Variants in FBXW8 observed in about 807,000 individuals in gnomAD.
FBXW8 encodes F-box/WD repeat-containing protein 8.
FBXW8 carries 57 observed loss-of-function variants against 65.3 expected under a neutral mutation model. That is an observed-to-expected ratio of 0.87 (90% confidence interval 0.71 to 1.09). The LOEUF (loss-of-function observed/expected upper bound fraction) is 1.09. Ranked by LOEUF, FBXW8 falls within the 50% of genes least tolerant of loss-of-function variation. The pLI, the probability that FBXW8 is intolerant of heterozygous loss-of-function variation, is 0.00. For missense variants in FBXW8, 777 were observed against 814.8 expected (o/e 0.95, Z 0.57); for synonymous variants, 308 against 330.2 (o/e 0.93, Z 0.73).
intron 7 of FBXW8, among the ~76,000 whole-genome samples, chr12:116,993,342 T>A (rs1177621893): frequency 6.6e-6 from 1 of 152,112 alleles, no homozygotes; most frequent in East Asian, 1.9e-4. Flanking sequence ...GACCTCGTGA[T>A]CTGCCTGCCT....
intron 5 of FBXW8, among the ~76,000 whole-genome samples, chr12:116,969,355 A>G (rs779557490): frequency 3.3e-5 from 5 of 152,212 alleles, no homozygotes; most frequent in Non-Finnish European, 7.3e-5. Context: ...GTGATAAACA[A>G]CAACTTCTAT....
intron 4 of FBXW8, among the ~76,000 whole-genome samples, chr12:116,963,197 G>A (rs1318830848): frequency 6.6e-6 from 1 of 152,164 alleles, no homozygotes; most frequent in Non-Finnish European, 1.5e-5. Context: ...CAAGGAATTG[G>A]GGTGACAGAA....
chr12:116,977,005 C>A (rs1884988197), intron 5 of FBXW8, among the ~76,000 whole-genome samples: 1 of 152,148 alleles, frequency 6.6e-6, no homozygotes, highest in African/African-American at 2.4e-5. Flanking sequence ...GGGAGGGAGA[C>A]CCGAGAGCCC....
chr12:116,969,088 T>C (rs529082441), intron 5 of FBXW8, among the ~76,000 whole-genome samples: 12 of 152,352 alleles, frequency 7.9e-5, no homozygotes, highest in African/African-American at 2.9e-4. Flanking sequence ...TTGGTCTGTC[T>C]GGCAGCTTAA....
At chr12:116,971,721 T>C (rs1276877510) in intron 5 of FBXW8, among the ~76,000 whole-genome samples, 1 of 152,148 alleles carries the variant, frequency 6.6e-6, no homozygotes, top group East Asian at 1.9e-4. Context: ...GTTTTTATGG[T>C]AATCTTAAAA....
In FBXW8 at chr12:116,949,691, G is replaced by C. The variant is rs775599245; in HGVS notation, c.662G>C (p.Gly221Ala). ...TVLCDVHSHD[G>A]VVIAGYTSGD... is the part of the protein sequence containing the mutation. ...TTGTGTGATGTGCATTCTCACGATGGTGTGGTCATTGCGGGGTAAGCCAAA... is the reference window on the plus strand; with the variant it reads ...TTGTGTGATGTGCATTCTCACGATGCTGTGGTCATTGCGGGGTAAGCCAAA... The change falls in exon 4 of 11, where the codon GGT becomes GCT. Residue 221 changes from glycine to alanine, a missense_variant. Gly to Ala is a moderately conservative substitution (Grantham distance 60). Coordinates refer to ENST00000652555, the MANE Select transcript of FBXW8 (RefSeq NM_153348.3). 1 of 1,614,188 alleles carries C rather than the reference G, an allele frequency of 6.2e-7. No individual in the cohort carries two copies. The highest frequency in any genetic ancestry group is 1.7e-5 in the Admixed American group (1 of 60,026).
chr12:116,958,052 A>G (rs750922761), intron 4 of FBXW8, among the ~76,000 whole-genome samples: 2 of 152,220 alleles, frequency 1.3e-5, no homozygotes, highest in Non-Finnish European at 2.9e-5. Flanking sequence ...CTCTGACTCT[A>G]TTGATTGTGA....
chr12:116,998,555 C>T (rs796724021), intron 7 of FBXW8, among the ~76,000 whole-genome samples: 5 of 152,308 alleles, frequency 3.3e-5, no homozygotes, highest in African/African-American at 7.2e-5. Flanking sequence ...ATGAACTTAG[C>T]GCTAACTCCA....
At chr12:116,995,182 G>T (rs1043619700) in intron 7 of FBXW8, among the ~76,000 whole-genome samples, 2 of 152,228 alleles carry the variant, frequency 1.3e-5, no homozygotes, top group African/African-American at 2.4e-5. Flanking sequence ...TATCCGGCCA[G>T]TGTCGTGGTG....
rs1294687776 is a variant in FBXW8 at position 117,016,292 on chromosome 12, G to C, written c.1367+5842G>C. Among the ~76,000 whole-genome samples the C allele has an allele frequency of 2.0e-5, 3 of 152,166 alleles. No homozygotes were observed. In the East Asian group the frequency reaches 5.8e-4, roughly 29 times the overall value. On this transcript the variant is annotated intron_variant, in intron 8 of 10. Transcript: ENST00000652555. ...TTACATTCCCACCAGCACTGGATGAGGGTTGTAGTTTCTCCACCTCCTCAC... is the reference window on the plus strand; with the variant it reads ...TTACATTCCCACCAGCACTGGATGACGGTTGTAGTTTCTCCACCTCCTCAC...
Position 116,999,061 on chromosome 12 carries a change from TTG to T in FBXW8, c.1239+10193_1239+10194del, listed in dbSNP as rs565968579. On this transcript the variant is annotated intron_variant, in intron 7 of 10. Coordinates refer to ENST00000652555, the MANE Select transcript of FBXW8 (RefSeq NM_153348.3). ...TGTAATTAACTTATCAATTACTGAGTTGCAGATGAATCCTTCTAATGGACGCA... is the reference window on the plus strand; with the variant it reads ...TGTAATTAACTTATCAATTACTGAGTCAGATGAATCCTTCTAATGGACGCA... Among the ~76,000 whole-genome samples the T allele has an allele frequency of 1.5e-3, 230 of 152,300 alleles. 1 individual carries two copies. The highest frequency in any genetic ancestry group is 4.8e-3 in the African/African-American group (198 of 41,552).
At position 116,935,851 on chromosome 12, in the gene FBXW8, G is replaced by T. The variant is rs568074551; in HGVS notation, c.423+7724G>T. Among the ~76,000 whole-genome samples, 265 of 152,326 alleles carry T rather than the reference G, an allele frequency of 1.7e-3. 1 individual carries two copies. Among genetic ancestry groups the T allele is most frequent in the African/African-American group, 4.8e-3 (198 of 41,574 alleles). On this transcript the variant is annotated intron_variant, in intron 2 of 10. Transcript: ENST00000652555. ...GGCAGCACATGCCAGGAGCTGAGCT[G>T]TGTCTATGACCTTTGAGAATTAAAA...
intron 2 of FBXW8, among the ~76,000 whole-genome samples, chr12:116,938,818 TC>T (rs1242665966): frequency 7.9e-5 from 12 of 152,202 alleles, no homozygotes; most frequent in African/African-American, 2.9e-4. Context: ...AAAGATTGCT[TC>T]CCCTATTTGG....
chr12:116,965,554 A>G (rs1315839204), intron 5 of FBXW8, among the ~76,000 whole-genome samples: 1 of 152,124 alleles, frequency 6.6e-6, no homozygotes, highest in Non-Finnish European at 1.5e-5. Context: ...TTGAATCTCC[A>G]CAAGCTTCAT....
chr12:116,948,148 A>G (rs1017822963), intron 3 of FBXW8, among the ~76,000 whole-genome samples: 3 of 152,258 alleles, frequency 2.0e-5, no homozygotes, highest in African/African-American at 4.8e-5. Flanking sequence ...ATTGCATTTC[A>G]GAGCCAACCT....
rs74977947 is a variant in FBXW8 at position 116,949,614 on chromosome 12, G to A, written c.589-4G>A. ...TAAACTGCATCCCCCTTTTCCTCACGCAGAATCGCAAAGGTGCCGTGAGCG... is the reference window on the plus strand; with the variant it reads ...TAAACTGCATCCCCCTTTTCCTCACACAGAATCGCAAAGGTGCCGTGAGCG... On this transcript the variant is annotated splice_polypyrimidine_tract_variant and splice_region_variant and intron_variant, in intron 3 of 10. Coordinates refer to ENST00000652555, the MANE Select transcript of FBXW8 (RefSeq NM_153348.3). The A allele has an allele frequency of 1.2e-3, 1,860 of 1,614,072 alleles. 26 individuals carry two copies. The African/African-American group carries it at 0.021, about 18-fold the overall frequency.
At chr12:116,958,993 G>T (rs1660584737) in intron 4 of FBXW8, among the ~76,000 whole-genome samples, 1 of 152,168 alleles carries the variant, frequency 6.6e-6, no homozygotes, top group Non-Finnish European at 1.5e-5. Flanking sequence ...GCCCCTCTTG[G>T]CTGCTCTGGG....
At chr12:117,020,924 T>C (rs949686846) in intron 8 of FBXW8, among the ~76,000 whole-genome samples, 1 of 152,240 alleles carries the variant, frequency 6.6e-6, no homozygotes, top group Non-Finnish European at 1.5e-5. Flanking sequence ...AAGCCTCTTT[T>C]GCAACTAAGA....
At chr12:117,020,376 G>GTTT (rs1954065715) in intron 8 of FBXW8, among the ~76,000 whole-genome samples, 1 of 152,164 alleles carries the variant, frequency 6.6e-6, no homozygotes, top group Non-Finnish European at 1.5e-5. Context: ...TGATTCGTGT[G>GTTT]CATTGAGTCG....
Sources: allele counts gnomAD v4.1 joint callset (sites outside exome capture counted in the v4.1 genomes callset), GRCh38; gene constraint gnomAD v4.1.1; transcripts MANE v1.5; gene names NCBI Gene and HGNC (gene_info 2026-07-23, HGNC 2026-07-21).